The following ZNF292 variants were observed in gnomAD, a reference collection of about 807,000 sequenced individuals.
The protein encoded by ZNF292 is 16 zinc-finger domain protein.
A neutral mutation model predicts 217.9 loss-of-function variants in ZNF292; 26 were observed. That is an observed-to-expected ratio of 0.12 (90% CI 0.09 to 0.17). ZNF292 has a LOEUF of 0.17. ZNF292 is among the 10% of genes least tolerant of loss of function. The pLI is 1.00. For missense variants in ZNF292, 2,904 were observed against 3,175.2 expected, an observed-to-expected ratio of 0.91 and a Z score of 2.05; for synonymous variants, 1,257 against 1,124.1, an observed-to-expected ratio of 1.12 and a Z score of -2.37.
At chr6:87,243,985 T>TGG (rs1480751520) in intron 6 of ZNF292, among the ~76,000 whole-genome samples, 2 of 152,206 alleles carry the variant, frequency 1.3e-5, no homozygotes, top group Non-Finnish European at 2.9e-5. Flanking sequence ...TGTAATCCTT[T>TGG]GGGAGGCTAC....
intron 1 of ZNF292, among the ~76,000 whole-genome samples, chr6:87,196,183 T>G (rs1771949313): frequency 1.3e-5 from 2 of 152,370 alleles, no homozygotes; most frequent in South Asian, 4.1e-4. Context: ...AATTGTCATT[T>G]TCTTTTCTAA....
intron 1 of ZNF292, among the ~76,000 whole-genome samples, chr6:87,168,481 AG>A (rs1378958230): frequency 6.6e-6 from 1 of 152,126 alleles, no homozygotes; most frequent in Admixed American, 6.6e-5. Context: ...GCTTCGTAAT[AG>A]TTTTTTTTGA....
intron 1 of ZNF292, among the ~76,000 whole-genome samples, chr6:87,166,806 C>T (rs1027572430): frequency 6.6e-6 from 1 of 152,090 alleles, no homozygotes; most frequent in Non-Finnish European, 1.5e-5. Flanking sequence ...ATATTGCATG[C>T]TCTATGTCCT....
At chr6:87,171,913 A>G (rs1771112163) in intron 1 of ZNF292, among the ~76,000 whole-genome samples, 1 of 152,200 alleles carries the variant, frequency 6.6e-6, no homozygotes, top group Non-Finnish European at 1.5e-5. Flanking sequence ...AGCGGAACAT[A>G]CTTATTATTG....
In ZNF292 at chr6:87,255,301, C is replaced by A. The variant is rs373131243; in HGVS notation, c.1672C>A (p.Arg558=). 6 of 1,613,702 alleles carry A rather than the reference C, an allele frequency of 3.7e-6. No homozygotes were observed. In the African/African-American group the frequency reaches 8.0e-5, roughly 22 times the overall value. ...AGAATTCCTTGGTCACAGAATAGTA[C>A]GACATGCTCAGAAACATTACAAAGA... is the stretch of plus-strand genomic sequence containing the variant. The part of the protein sequence containing the change: ...DKEFLGHRIV[R]HAQKHYKDGI... The change falls in exon 8 of 8, where the codon CGA becomes AGA. Residue 558 remains arginine, a synonymous_variant. Transcript: ENST00000369577.
chr6:87,240,792 C>A (rs566737420), intron 5 of ZNF292, among the ~76,000 whole-genome samples: 3 of 152,096 alleles, frequency 2.0e-5, no homozygotes, highest in African/African-American at 7.2e-5. Flanking sequence ...TCAAGAAATA[C>A]GGATTTTTAT....
chr6:87,196,138 A>C (rs1033429344), intron 1 of ZNF292, among the ~76,000 whole-genome samples: 2 of 152,216 alleles, frequency 1.3e-5, no homozygotes, highest in Admixed American at 6.5e-5. Flanking sequence ...GTATAACTTA[A>C]GATATGGAAC....
chr6:87,194,622 T>C (rs1054763315), intron 1 of ZNF292, among the ~76,000 whole-genome samples: 1 of 151,958 alleles, frequency 6.6e-6, no homozygotes, highest in Admixed American at 6.6e-5. Flanking sequence ...ACTACTGAAA[T>C]TGAATCAAGA....
chr6:87,258,636 T>G lies in ZNF292; in HGVS notation c.5007T>G (p.Leu1669=), dbSNP rs1775378541. 1.2e-6 allele frequency: 2 copies of G among 1,613,598 alleles called. No homozygotes were observed. The highest frequency in any genetic ancestry group is 1.7e-6 in the Non-Finnish European group (2 of 1,179,740). The change falls in exon 8 of 8, where the codon CTT becomes CTG. Residue 1669 remains leucine, a synonymous_variant. Coordinates refer to ENST00000369577, the MANE Select transcript of ZNF292 (RefSeq NM_015021.3). Reference sequence around the variant, plus strand: ...GTGTTGAAATCCCAACTACTAACCTTCATTCAAATGTAATTCCAACTTGTG... The same window carrying G: ...GTGTTGAAATCCCAACTACTAACCTGCATTCAAATGTAATTCCAACTTGTG... ...AKSVEIPTTN[L]HSNVIPTCEP... is the part of the protein sequence containing the mutation.
chr6:87,157,351 G>A (rs76410080), intron 1 of ZNF292, among the ~76,000 whole-genome samples: 3,530 of 152,190 alleles, frequency 0.023, 131 homozygotes, highest in African/African-American at 0.081. Context: ...CTACTTTGCA[G>A]TACCCACTCA....
chr6:87,201,634 C>A (rs1772101760), intron 1 of ZNF292, among the ~76,000 whole-genome samples: 1 of 152,114 alleles, frequency 6.6e-6, no homozygotes, highest in Non-Finnish European at 1.5e-5. Context: ...GAACCCCCGA[C>A]CTCAAGTGAT....
At chr6:87,172,885 G>T (rs1180671957) in intron 1 of ZNF292, among the ~76,000 whole-genome samples, 3 of 147,742 alleles carry the variant, frequency 2.0e-5, no homozygotes, top group Non-Finnish European at 4.5e-5. Context: ...CTGGGCGACA[G>T]AATGAGACTC....
intron 4 of ZNF292, among the ~76,000 whole-genome samples, chr6:87,219,975 C>T (rs1296402400): frequency 1.3e-5 from 2 of 152,098 alleles, no homozygotes; most frequent in Non-Finnish European, 2.9e-5. Context: ...CACATGCCAC[C>T]ACACTCAGCT....
chr6:87,245,678 T>A, intron 7 of ZNF292, 34 bp downstream of exon 7: 1 of 1,314,892 alleles, frequency 7.6e-7, no homozygotes, highest in South Asian at 1.4e-5. Flanking sequence ...AAGGTTAAAA[T>A]GTGTACATTA....
chr6:87,167,842 A>G (rs1770968084), intron 1 of ZNF292, among the ~76,000 whole-genome samples: 1 of 152,210 alleles, frequency 6.6e-6, no homozygotes, highest in Admixed American at 6.5e-5. Context: ...AGAAAATGCC[A>G]CCTAACTGGC....
At chr6:87,222,063 T>C (rs911463874) in intron 4 of ZNF292, among the ~76,000 whole-genome samples, 4 of 152,178 alleles carry the variant, frequency 2.6e-5, no homozygotes, top group Non-Finnish European at 4.4e-5. Context: ...TACAAGTGTA[T>C]TACCTTTTTC....
intron 5 of ZNF292, among the ~76,000 whole-genome samples, 188 bp from the exon 6 acceptor site, chr6:87,243,287 T>TG (rs1172232265): frequency 2.6e-5 from 4 of 151,708 alleles, no homozygotes; most frequent in Admixed American, 2.6e-4. Flanking sequence ...AAGGTTTTTT[T>TG]TTTTTTTTTT....
intron 1 of ZNF292, among the ~76,000 whole-genome samples, chr6:87,193,014 C>T (rs1229003017): frequency 6.6e-6 from 1 of 152,134 alleles, no homozygotes; most frequent in Non-Finnish European, 1.5e-5. Flanking sequence ...TTTCTAAAGA[C>T]AGGGTTTCAT....
rs999154703 is a variant in ZNF292, at chr6:87,257,504, A to G, written c.3875A>G (p.Asn1292Ser). 7 of 1,610,946 alleles carry G rather than the reference A, an allele frequency of 4.3e-6. No individual in the cohort carries two copies. The African/African-American group carries it at 8.0e-5, about 18-fold the overall frequency. ...AATTCTGTTTTTTCCCAACTGGAAA[A>G]TAATACAAATCATTATTCCTCACAG... ...GTNSVFSQLE[N>S]NTNHYSSQIE... The change falls in exon 8 of 8, where the codon AAT (asparagine) becomes AGT (serine). Residue 1292 changes from asparagine (N) to serine (S), a missense_variant. Coordinates refer to ENST00000369577, the MANE Select transcript of ZNF292 (RefSeq NM_015021.3).
Sources: gnomAD v4.1 joint callset for allele counts (sites outside exome capture counted in the v4.1 genomes callset) on GRCh38, gnomAD v4.1.1 for gene constraint, MANE v1.5 for transcripts, NCBI Gene and HGNC (gene_info 2026-07-23, HGNC 2026-07-21) for gene names.